HIPK2: variants seen among roughly 807,000 people sequenced by gnomAD.
The protein encoded by HIPK2 is homeodomain-interacting protein kinase 2.
Under a neutral mutation model 113.7 loss-of-function variants are expected in HIPK2, and 27 were observed. That is an observed-to-expected ratio of 0.24 (90% CI 0.17 to 0.33). The LOEUF is 0.33. Ranked by LOEUF, HIPK2 falls within the 10% of genes least tolerant of loss-of-function variation. HIPK2 has a pLI of 1.00. For missense variants in HIPK2, 1,257 were observed against 1,588.0 expected (o/e 0.79, Z 3.54); for synonymous variants, 631 against 642.2 (o/e 0.98, Z 0.26).
chr7:139,691,376 G>A (rs972296017), intron 2 of HIPK2, among the ~76,000 whole-genome samples: 3 of 152,156 alleles, frequency 2.0e-5, no homozygotes, highest in African/African-American at 7.2e-5. Context: ...TCATATCTGC[G>A]GAGAGAGTGA....
intron 7 of HIPK2, among the ~76,000 whole-genome samples, chr7:139,616,067 TC>T (rs1408243424): frequency 6.6e-6 from 1 of 151,980 alleles, no homozygotes; most frequent in African/African-American, 2.4e-5. Context: ...ATATCTAGAC[TC>T]CCCCCAGCCC....
At chr7:139,643,371 A>G (rs887612975) in intron 2 of HIPK2, among the ~76,000 whole-genome samples, 2 of 143,612 alleles carry the variant, frequency 1.4e-5, no homozygotes, top group Non-Finnish European at 3.0e-5. Context: ...GGCTCTGAAT[A>G]TGTACTAAAT....
rs1003399382 is a variant in HIPK2 at position 139,683,803 on chromosome 7, C to T, written c.1103+32129G>A. Among the ~76,000 whole-genome samples the T allele has an allele frequency of 3.3e-5, 5 of 152,090 alleles. No homozygotes were observed. The highest frequency in any genetic ancestry group is 5.9e-5 in the Non-Finnish European group (4 of 67,992). On this transcript the variant is annotated intron_variant, in intron 2 of 14. Coordinates refer to ENST00000406875, the MANE Select transcript of HIPK2 (RefSeq NM_022740.5). This position sits in a 1 kb window ranked among gnomAD's most constrained non-coding sequence, Gnocchi z 4.2. ...TTCTGTATTACACCAACAGTTAGGT[C>T]TTACTCACTCTCCTGTGGTTTTGAA...
At chr7:139,747,024 C>T (rs1039803137) in intron 1 of HIPK2, among the ~76,000 whole-genome samples, 4 of 152,092 alleles carry the variant, frequency 2.6e-5, no homozygotes. Context: ...GAGCCAAAGC[C>T]GCTGGTGATA....
Position 139,699,719 on chromosome 7 carries a change from C to T in HIPK2, c.1103+16213G>A, listed in dbSNP as rs1053679176. ...ATCTTAGGAGATGACTGCTGTCCAG[C>T]TGGCATGGCTGTCACCTGCATCCCT... On this transcript the variant is annotated intron_variant, in intron 2 of 14. Transcript: ENST00000406875. Among the ~76,000 whole-genome samples the T allele has an allele frequency of 4.2e-3, 633 of 152,356 alleles. 5 individuals are homozygous for T. The highest frequency in any genetic ancestry group is 0.015 in the African/African-American group (610 of 41,582).
chr7:139,597,626 A>C (rs1035869147), intron 11 of HIPK2, among the ~76,000 whole-genome samples: 1 of 152,244 alleles, frequency 6.6e-6, no homozygotes, highest in East Asian at 1.9e-4. Flanking sequence ...TAAAAACCTT[A>C]AAAATGATTT....
At chr7:139,652,572 ATC>A (rs1289655155) in intron 2 of HIPK2, among the ~76,000 whole-genome samples, 1 of 152,238 alleles carries the variant, frequency 6.6e-6, no homozygotes, top group Admixed American at 6.5e-5. Flanking sequence ...AGAGGGAGCA[ATC>A]TCTCTCATTC....
rs545437829 is a variant in HIPK2 at position 139,583,595 on chromosome 7, G to A, written c.2965+222C>T. ...GCAGAGCCATTGTAAAGGCAGAGAG[G>A]TATTGATTACAGGATTAAAGAAGGA... On this transcript the variant is annotated intron_variant, in intron 13 of 14. Transcript: ENST00000406875. 1.6e-4 allele frequency: 98 copies of A among 598,692 alleles called. 1 individual carries two copies. In the African/African-American group the frequency reaches 1.8e-3, roughly 11 times the overall value. 37.1% of individuals were successfully genotyped at this position (598,692 alleles called of 1,614,324 possible).
rs1334561938 is a variant in HIPK2 at position 139,604,201 on chromosome 7, T to G, written c.2135A>C (p.Gln712Pro). ...CCATGCTGGGGGAAGCAGGATCTGC[T>G]GGGTCCCACTTGGCCAAGCCTGCTG... is the stretch of plus-strand genomic sequence containing the variant. Reference protein sequence around the residue: ...LAQQAWPSGTQQILLPPAWQQ... With the variant: ...LAQQAWPSGTPQILLPPAWQQ... The change falls in exon 10 of 15, where the codon CAG becomes CCG. Residue 712 changes from glutamine to proline, a missense_variant. This residue lies in a region of HIPK2 where 862 missense variants were observed against 1,004.3 expected (regional missense o/e 0.86). Transcript: ENST00000406875. 3.7e-6 allele frequency: 6 copies of G among 1,613,020 alleles called. No individual in the cohort carries two copies. Among genetic ancestry groups the G allele is most frequent in the Non-Finnish European group, 5.1e-6 (6 of 1,179,286 alleles).
chr7:139,718,207 C>A lies in HIPK2; in HGVS notation c.20-1192G>T, dbSNP rs562340538. 2.0e-5 allele frequency among the ~76,000 whole-genome samples: 3 copies of A among 152,248 alleles called. No individual in the cohort carries two copies. In the East Asian group the frequency reaches 5.8e-4, roughly 29 times the overall value. ...AATAATAAGGTGATGAAGGATAACTCCTTAAAGGTTAAAAGAGTAACAAAC... is the reference window on the plus strand; with the variant it reads ...AATAATAAGGTGATGAAGGATAACTACTTAAAGGTTAAAAGAGTAACAAAC... On this transcript the variant is annotated intron_variant, in intron 1 of 14. Transcript: ENST00000406875.
chr7:139,682,290 A>G (rs527660823), intron 2 of HIPK2, among the ~76,000 whole-genome samples: 2 of 152,328 alleles, frequency 1.3e-5, no homozygotes, highest in African/African-American at 4.8e-5. Context: ...GAGAGCCCAT[A>G]GTGAGTCAAG....
intron 6 of HIPK2, among the ~76,000 whole-genome samples, chr7:139,622,183 C>T (rs931177027): frequency 8.5e-5 from 13 of 152,268 alleles, no homozygotes; most frequent in African/African-American, 2.6e-4. Context: ...GACTGAGACG[C>T]GACTTAGAGA....
chr7:139,635,094 C>G (rs932832938), intron 2 of HIPK2, among the ~76,000 whole-genome samples: 1 of 152,244 alleles, frequency 6.6e-6, no homozygotes, highest in African/African-American at 2.4e-5. Flanking sequence ...TGCCTCCTCT[C>G]ACGTGGATCT....
At chr7:139,696,909 A>C (rs1374123950) in intron 2 of HIPK2, among the ~76,000 whole-genome samples, 10 of 152,116 alleles carry the variant, frequency 6.6e-5, no homozygotes, top group Non-Finnish European at 1.3e-4. Context: ...AAACTTCTAT[A>C]AGACAGCATT....
intron 2 of HIPK2, among the ~76,000 whole-genome samples, chr7:139,636,878 C>G (rs949533573): frequency 2.0e-5 from 3 of 152,184 alleles, no homozygotes; most frequent in African/African-American, 7.2e-5. Flanking sequence ...ATTCTGGAAG[C>G]CTGGTATTGC....
intron 1 of HIPK2, among the ~76,000 whole-genome samples, chr7:139,744,476 T>G (rs552079983): frequency 2.8e-4 from 43 of 152,182 alleles, no homozygotes; most frequent in Non-Finnish European, 4.7e-4. Flanking sequence ...GATGGAATGT[T>G]CTGGAATTGG....
Position 139,568,322 on chromosome 7 carries a change from T to A in HIPK2, c.*4605A>T, listed in dbSNP as rs191747147. ...GCCGCTTTGCTCCAACCCTTCTTTT[T>A]CCTCTGAATTCCACTGACCGCACGC... is the stretch of plus-strand genomic sequence containing the variant. On this transcript the variant is annotated 3_prime_UTR_variant, in exon 15 of 15. Coordinates refer to ENST00000406875, the MANE Select transcript of HIPK2 (RefSeq NM_022740.5). 1 of 152,412 alleles carries A rather than the reference T, an allele frequency of 6.6e-6. No homozygotes were observed. Among genetic ancestry groups the A allele is most frequent in the East Asian group, 1.9e-4 (1 of 5,174 alleles). The allele number at this position is 152,412 out of a possible 1,614,324, so 9.4% of individuals were successfully genotyped here.
At chr7:139,722,739 C>A (rs1795452003) in intron 1 of HIPK2, among the ~76,000 whole-genome samples, 1 of 151,986 alleles carries the variant, frequency 6.6e-6, no homozygotes, top group African/African-American at 2.4e-5. Flanking sequence ...TTCAGAGCAC[C>A]CTCCCTACTT....
intron 1 of HIPK2, among the ~76,000 whole-genome samples, chr7:139,760,810 C>T (rs1352710181): frequency 6.6e-6 from 1 of 152,176 alleles, no homozygotes; most frequent in African/African-American, 2.4e-5. Flanking sequence ...GCACCAATAA[C>T]CACCCCCAAT....
Sources: allele counts gnomAD v4.1 joint callset (sites outside exome capture counted in the v4.1 genomes callset), GRCh38; gene constraint gnomAD v4.1.1; regional missense constraint gnomAD v4.1.1; non-coding constraint Gnocchi (gnomAD v3.1); transcripts MANE v1.5; gene names NCBI Gene and HGNC (gene_info 2026-07-23, HGNC 2026-07-21).